The following PRKAA2 variants were observed in gnomAD, a reference collection of about 807,000 sequenced individuals.
PRKAA2 encodes 5'-AMP-activated protein kinase catalytic subunit alpha-2.
A neutral mutation model predicts 56.3 loss-of-function variants in PRKAA2; 40 were observed. The observed-to-expected ratio is 0.71, with a 90% CI of 0.55 to 0.92. The LOEUF (loss-of-function observed/expected upper bound fraction) is 0.92, where lower values mean the gene tolerates loss of function less well. Ranked by LOEUF, PRKAA2 falls within the 40% of genes least tolerant of loss-of-function variation. The probability of loss-of-function intolerance (pLI) is 0.00; values close to 1 mark genes in which losing one functional copy is unlikely to be tolerated. For synonymous variants in PRKAA2, 214 were observed against 234.2 expected (o/e 0.91, Z 0.79); for missense variants, 542 against 686.9 (o/e 0.79, Z 2.36).
At position 56,696,155 on chromosome 1, in the gene PRKAA2, A is replaced by G. The variant is rs1644258034; in HGVS notation, c.784A>G (p.Ile262Val). ...DPLKRATIKDIREHEWFKQDL... is the reference protein window; with the variant it reads ...DPLKRATIKDVREHEWFKQDL... The stretch of plus-strand genomic sequence containing the variant: ...ACTGAAACGAGCAACTATCAAAGAC[A>G]TAAGGTGATTTTTCTTTTTGTTTCT... Residue 262 changes from isoleucine to valine, a missense_variant, in exon 6 of 9, where the codon ATA (isoleucine) becomes GTA (valine). Ile to Val is a conservative substitution (Grantham distance 29, BLOSUM62 3). Transcript: ENST00000371244. The G allele has an allele frequency of 6.2e-7, 1 of 1,607,758 alleles. No homozygotes were observed. Among genetic ancestry groups the G allele is most frequent in the East Asian group, 2.2e-5 (1 of 44,816 alleles).
chr1:56,696,489 TTTA>T (rs1644259860), intron 6 of PRKAA2, among the ~76,000 whole-genome samples: 1 of 152,224 alleles, frequency 6.6e-6, no homozygotes, highest in Non-Finnish European at 1.5e-5. Flanking sequence ...TGTTCATGCT[TTTA>T]TTATTTAATC....
intron 1 of PRKAA2, among the ~76,000 whole-genome samples, chr1:56,669,904 A>T (rs1429940918): frequency 6.6e-6 from 1 of 152,170 alleles, no homozygotes; most frequent in East Asian, 1.9e-4. Flanking sequence ...GAACAACATA[A>T]ATCAGTTTAA....
At chr1:56,704,762 T>C (rs1236995175) in intron 7 of PRKAA2, among the ~76,000 whole-genome samples, 3 of 152,078 alleles carry the variant, frequency 2.0e-5, no homozygotes, top group African/African-American at 7.2e-5. Context: ...TGAAAAATCA[T>C]GAGTGTCTTC....
chr1:56,699,855 G>A (rs1430783456), intron 6 of PRKAA2, among the ~76,000 whole-genome samples: 2 of 152,130 alleles, frequency 1.3e-5, no homozygotes, highest in African/African-American at 2.4e-5. Context: ...ACAGTATGTG[G>A]TCTTTTGTAT....
intron 1 of PRKAA2, among the ~76,000 whole-genome samples, chr1:56,664,173 C>T (rs1480748646): frequency 6.6e-6 from 1 of 152,130 alleles, no homozygotes; most frequent in African/African-American, 2.4e-5. Context: ...TTCTTTGAGT[C>T]ATTGTTCCCA....
chr1:56,669,826 G>A (rs184365531), intron 1 of PRKAA2, among the ~76,000 whole-genome samples: 1 of 152,330 alleles, frequency 6.6e-6, no homozygotes, highest in African/African-American at 2.4e-5. Context: ...TTTAGGGGAG[G>A]CTTCATGGAT....
chr1:56,686,980 G>A (rs1569768632), intron 2 of PRKAA2, among the ~76,000 whole-genome samples: 1 of 150,914 alleles, frequency 6.6e-6, no homozygotes, highest in Middle Eastern at 3.4e-3. Flanking sequence ...CACCTCCCAG[G>A]TTCAAGCGAT....
chr1:56,710,992 G>C lies in PRKAA2; in HGVS notation c.*3279G>C, dbSNP rs1165607151. On this transcript the variant is annotated 3_prime_UTR_variant, in exon 9 of 9. Coordinates refer to ENST00000371244, the MANE Select transcript of PRKAA2 (RefSeq NM_006252.4). ...TCAAATAGAATATGCAGGGAGGGAAGTAGGCAAACCATTTACAAGTTGGGT... is the reference window on the plus strand; with the variant it reads ...TCAAATAGAATATGCAGGGAGGGAACTAGGCAAACCATTTACAAGTTGGGT... The C allele has an allele frequency of 1.3e-5, 2 of 152,138 alleles. No individual in the cohort carries two copies. The highest frequency in any genetic ancestry group is 2.9e-5 in the Non-Finnish European group (2 of 67,994). 9.4% of individuals were successfully genotyped at this position (152,138 alleles called of 1,614,324 possible). A position where few individuals can be genotyped will look rare whatever the true frequency, so the allele number is the denominator to read the frequency against.
chr1:56,658,135 A>G (rs569094030), intron 1 of PRKAA2, among the ~76,000 whole-genome samples: 1 of 152,240 alleles, frequency 6.6e-6, no homozygotes, highest in Non-Finnish European at 1.5e-5. Context: ...TGGGGTAGCC[A>G]TTAAAATGAA....
chr1:56,682,912 C>T (rs1170349944), intron 2 of PRKAA2, among the ~76,000 whole-genome samples: 1 of 152,098 alleles, frequency 6.6e-6, no homozygotes, highest in Non-Finnish European at 1.5e-5. Flanking sequence ...TTAGTGACCA[C>T]TGTGTTGGAC....
At chr1:56,648,576 A>G (rs1438492997) in intron 1 of PRKAA2, among the ~76,000 whole-genome samples, 2 of 152,254 alleles carry the variant, frequency 1.3e-5, no homozygotes, top group Non-Finnish European at 2.9e-5. Context: ...AACTAGAAGT[A>G]GAATTGCTGG....
In PRKAA2 at chr1:56,709,795, A is replaced by C. The variant is rs911165252; in HGVS notation, c.*2082A>C. ...GGTCAGATATTAAAAAATTGTTCAT[A>C]TCAAAATTACCTTATATGGATTATT... is the stretch of plus-strand genomic sequence containing the variant. On this transcript the variant is annotated 3_prime_UTR_variant, in exon 9 of 9. Transcript: ENST00000371244. The C allele has an allele frequency of 3.3e-5, 5 of 152,150 alleles. No homozygotes were observed. Among genetic ancestry groups the C allele is most frequent in the African/African-American group, 1.2e-4 (5 of 41,446 alleles). 9.4% of individuals were successfully genotyped at this position (152,150 alleles called of 1,614,324 possible). A position where few individuals can be genotyped will look rare whatever the true frequency, so the allele number is the denominator to read the frequency against.
chr1:56,672,102 T>C (rs539710414), intron 1 of PRKAA2, among the ~76,000 whole-genome samples: 2 of 151,990 alleles, frequency 1.3e-5, no homozygotes, highest in African/African-American at 2.4e-5. Flanking sequence ...GAATGCTGAA[T>C]GTGGTTTTTT....
At position 56,707,911 on chromosome 1, in the gene PRKAA2, T is replaced by G. The variant is rs1644343257; in HGVS notation, c.*198T>G. On this transcript the variant is annotated 3_prime_UTR_variant, in exon 9 of 9. Coordinates refer to ENST00000371244, the MANE Select transcript of PRKAA2 (RefSeq NM_006252.4). ...TACTTGTAGAAATCTGTAATTCTAT[T>G]GTGCCTATGATAAATTCACATAGGC... is the stretch of plus-strand genomic sequence containing the variant. 4.9e-6 allele frequency: 3 copies of G among 608,460 alleles called. No homozygotes were observed. Among genetic ancestry groups the G allele is most frequent in the Non-Finnish European group, 8.5e-6 (3 of 351,424 alleles). 37.7% of individuals were successfully genotyped at this position (608,460 alleles called of 1,614,324 possible).
At chr1:56,680,565 G>A (rs1023965657) in intron 2 of PRKAA2, among the ~76,000 whole-genome samples, 32 of 151,970 alleles carry the variant, frequency 2.1e-4, no homozygotes, top group African/African-American at 6.3e-4. Flanking sequence ...GTGTCCAAGT[G>A]TTCTCATTGT....
chr1:56,709,568 A>G lies in PRKAA2; in HGVS notation c.*1855A>G, dbSNP rs148067598. On this transcript the variant is annotated 3_prime_UTR_variant, in exon 9 of 9. Coordinates refer to ENST00000371244, the MANE Select transcript of PRKAA2 (RefSeq NM_006252.4). ...GCCTGGTCCATTATAGATATGGCATAGTTTTGGGTTCTCTAAATGGGTCCA... is the reference window on the plus strand; with the variant it reads ...GCCTGGTCCATTATAGATATGGCATGGTTTTGGGTTCTCTAAATGGGTCCA... 1 of 152,276 alleles carries G rather than the reference A, an allele frequency of 6.6e-6. No individual in the cohort carries two copies. Among genetic ancestry groups the G allele is most frequent in the East Asian group, 1.9e-4 (1 of 5,188 alleles). The allele number at this position is 152,276 out of a possible 1,614,324, so 9.4% of individuals were successfully genotyped here.
Position 56,689,301 on chromosome 1 carries a change from A to G in PRKAA2, c.237-2093A>G, listed in dbSNP as rs1003617301. Among the ~76,000 whole-genome samples the G allele has an allele frequency of 2.8e-4, 43 of 152,366 alleles. 1 individual carries two copies. The highest frequency in any genetic ancestry group is 8.8e-5 in the Non-Finnish European group (6 of 68,032). On this transcript the variant is annotated intron_variant, in intron 2 of 8. Coordinates refer to ENST00000371244, the MANE Select transcript of PRKAA2 (RefSeq NM_006252.4). ...AACTATTTCTTCTAGAGTTCTCAGT[A>G]TAATTACCTTTCCAAAGTTCATTTG...
intron 7 of PRKAA2, 95 bp from the exon 8 acceptor site, chr1:56,705,997 C>T: frequency 9.3e-7 from 1 of 1,072,620 alleles, no homozygotes; most frequent in Non-Finnish European, 1.3e-6. Context: ...GTATTCCTTT[C>T]CTACCTCACC....
At chr1:56,665,302 G>A (rs1388863781) in intron 1 of PRKAA2, among the ~76,000 whole-genome samples, 1 of 152,110 alleles carries the variant, frequency 6.6e-6, no homozygotes, top group Admixed American at 6.6e-5. Flanking sequence ...TCAAACTCCT[G>A]ACCTCAAGTG....
Sources: allele counts gnomAD v4.1 joint callset (sites outside exome capture counted in the v4.1 genomes callset), GRCh38; gene constraint gnomAD v4.1.1; transcripts MANE v1.5; gene names NCBI Gene and HGNC (gene_info 2026-07-23, HGNC 2026-07-21).